The following MARK3 variants were observed in gnomAD, a reference collection of about 807,000 sequenced individuals.
MARK3 encodes MAP/microtubule affinity-regulating kinase 3.
In MARK3, 46 loss-of-function variants were observed where a neutral mutation model predicts 90.1. That is an observed-to-expected ratio of 0.51 (90% CI 0.40 to 0.65). MARK3 has a LOEUF of 0.65. Ranked by LOEUF, MARK3 falls within the 30% of genes least tolerant of loss-of-function variation. MARK3 has a pLI of 0.00. For synonymous variants in MARK3, 321 were observed against 332.6 expected (o/e 0.97, Z 0.38); for missense variants, 818 against 947.2 (o/e 0.86, Z 1.79).
chr14:103,465,940 A>G (rs1368737788), intron 8 of MARK3, 32 bp from the exon 9 acceptor site: 16 of 1,600,270 alleles, frequency 1.0e-5, no homozygotes, highest in Non-Finnish European at 1.3e-5. Context: ...AGGTTGACTT[A>G]CTCGTTTTCT....
intron 3 of MARK3, among the ~76,000 whole-genome samples, chr14:103,430,840 C>T (rs537421584): frequency 3.2e-4 from 48 of 152,208 alleles, no homozygotes; most frequent in Non-Finnish European, 5.9e-4. Flanking sequence ...AATTAATAAA[C>T]GTTAGATTCT....
intron 2 of MARK3, among the ~76,000 whole-genome samples, chr14:103,407,972 C>T (rs1347132896): frequency 6.6e-6 from 1 of 152,108 alleles, no homozygotes; most frequent in African/African-American, 2.4e-5. Context: ...GACAAATCCC[C>T]TTTCCCCAGG....
chr14:103,477,965 T>G (rs1184460591), intron 13 of MARK3, among the ~76,000 whole-genome samples: 1 of 148,964 alleles, frequency 6.7e-6, no homozygotes, highest in Non-Finnish European at 1.5e-5. Context: ...CATCACCATA[T>G]TCCAGCCTGG....
chr14:103,391,115 T>C lies in MARK3; in HGVS notation c.51+5035T>C, dbSNP rs544495309. On this transcript the variant is annotated intron_variant, in intron 1 of 17. Transcript: ENST00000429436. ...GGTGATTTTGCCCTCTAGTGGACAT[T>C]TGACAATGTCTAAAGACATCTTTGG... Among the ~76,000 whole-genome samples, 234 of 152,330 alleles carry C rather than the reference T, an allele frequency of 1.5e-3. 3 individuals are homozygous for C. Among genetic ancestry groups the C allele is most frequent in the Non-Finnish European group, 3.7e-4 (25 of 68,032 alleles).
At position 103,466,643 on chromosome 14, in the gene MARK3, A is replaced by G. The variant is rs372238181; in HGVS notation, c.997+201A>G. On this transcript the variant is annotated intron_variant, in intron 10 of 17. Transcript: ENST00000429436. ...CCCAGTAACTCTGAAACAAGTGCCC[A>G]TTTATGTTACAAAATATATGTAATA... 2.6e-5 allele frequency among the ~76,000 whole-genome samples: 4 copies of G among 152,370 alleles called. No homozygotes were observed. In the East Asian group the frequency reaches 7.7e-4, roughly 29 times the overall value.
chr14:103,493,258 A>AC (rs759158573), intron 15 of MARK3, among the ~76,000 whole-genome samples: 1 of 105,374 alleles, frequency 9.5e-6, no homozygotes, highest in South Asian at 3.0e-4. Context: ...TTTTTTTTTA[A>AC]TTTTTTTTTT....
intron 7 of MARK3, among the ~76,000 whole-genome samples, chr14:103,463,371 G>A (rs563937536): frequency 6.6e-6 from 1 of 152,262 alleles, no homozygotes; most frequent in East Asian, 1.9e-4. Flanking sequence ...GTGGCCAACT[G>A]TATGCTGATG....
At chr14:103,410,848 C>T (rs559059391) in intron 2 of MARK3, among the ~76,000 whole-genome samples, 2 of 152,134 alleles carry the variant, frequency 1.3e-5, no homozygotes, top group South Asian at 2.1e-4. Context: ...CTAGATTACT[C>T]CTTTTAACTG....
intron 12 of MARK3, among the ~76,000 whole-genome samples, chr14:103,472,930 TG>T (rs2093654323): frequency 6.7e-6 from 1 of 148,596 alleles, no homozygotes; most frequent in African/African-American, 2.5e-5. Context: ...CGCTTGAACC[TG>T]GGAGGTGGAG....
At chr14:103,414,562 A>G (rs936768025) in intron 2 of MARK3, among the ~76,000 whole-genome samples, 4 of 152,178 alleles carry the variant, frequency 2.6e-5, no homozygotes, top group African/African-American at 9.7e-5. Flanking sequence ...TTGCCCTGTG[A>G]TGGGAACGTG....
chr14:103,427,731 CATG>C (rs1402971690), intron 2 of MARK3, among the ~76,000 whole-genome samples: 4 of 152,102 alleles, frequency 2.6e-5, no homozygotes, highest in African/African-American at 4.8e-5. Flanking sequence ...TGTAAACTGT[CATG>C]GTGGTGGTGG....
intron 1 of MARK3, 57 bp downstream of exon 1, chr14:103,386,137 G>C (rs1445674956): frequency 6.6e-7 from 1 of 1,517,630 alleles, no homozygotes; most frequent in African/African-American, 1.4e-5. Context: ...CGTGCTCCTC[G>C]GGCAGTGCCT....
chr14:103,457,596 G>A (rs2093303365), intron 6 of MARK3, among the ~76,000 whole-genome samples: 3 of 152,204 alleles, frequency 2.0e-5, no homozygotes, highest in Non-Finnish European at 4.4e-5. Context: ...CCAAGGCCAA[G>A]TGTAACTGAA....
At chr14:103,426,907 A>T (rs200188444) in intron 2 of MARK3, among the ~76,000 whole-genome samples, 1 of 76,598 alleles carries the variant, frequency 1.3e-5, no homozygotes, top group Non-Finnish European at 3.1e-5. Flanking sequence ...AAAAAAAAAA[A>T]AATTTTTAAA....
chr14:103,488,819 T>G (rs965723322), intron 14 of MARK3, among the ~76,000 whole-genome samples: 1 of 152,160 alleles, frequency 6.6e-6, no homozygotes, highest in Non-Finnish European at 1.5e-5. Flanking sequence ...CCTGGGTGAA[T>G]ACAGCAAGAC....
chr14:103,416,879 T>G (rs543303724), intron 2 of MARK3, among the ~76,000 whole-genome samples: 61 of 152,298 alleles, frequency 4.0e-4, no homozygotes, highest in African/African-American at 1.3e-3. Context: ...TGTAGAAATT[T>G]TCTGAGTGCA....
chr14:103,458,454 C>CAAAA (rs36020485), intron 6 of MARK3, among the ~76,000 whole-genome samples: 36 of 29,902 alleles, frequency 1.2e-3, no homozygotes, highest in East Asian at 4.3e-3. Context: ...GACTCCATCT[C>CAAAA]AAAAAAAAAA....
chr14:103,501,457 TC>T (rs1459861649), intron 17 of MARK3, among the ~76,000 whole-genome samples: 1 of 152,220 alleles, frequency 6.6e-6, no homozygotes. Flanking sequence ...TGCCTCCAGT[TC>T]CACTCAGTCT....
chr14:103,415,044 C>T (rs1451801826), intron 2 of MARK3, among the ~76,000 whole-genome samples: 4 of 145,902 alleles, frequency 2.7e-5, no homozygotes, highest in East Asian at 4.3e-4. Flanking sequence ...CCCAGCTACT[C>T]GGGAGGCTGA....
Sources: allele counts gnomAD v4.1 joint callset (sites outside exome capture counted in the v4.1 genomes callset), GRCh38; gene constraint gnomAD v4.1.1; transcripts MANE v1.5; gene names NCBI Gene and HGNC (gene_info 2026-07-23, HGNC 2026-07-21).